NELL1: variants seen among roughly 807,000 people sequenced by gnomAD.
The protein encoded by NELL1 is neural EGFL like 1, also known as protein kinase C-binding protein NELL1.
In NELL1, 76 loss-of-function variants were observed where a neutral mutation model predicts 107.4. The observed-to-expected ratio is 0.71, with a 90% CI of 0.59 to 0.86. NELL1 has a LOEUF of 0.86. NELL1 is among the 40% of genes least tolerant of loss of function. The pLI is 0.00. For synonymous variants in NELL1, 353 were observed against 341.2 expected (o/e 1.03, Z -0.38); for missense variants, 1,024 against 1,005.5 (o/e 1.02, Z -0.25).
At chr11:21,237,242 T>C (rs935896301) in intron 14 of NELL1, among the ~76,000 whole-genome samples, 1 of 152,110 alleles carries the variant, frequency 6.6e-6, no homozygotes, top group Non-Finnish European at 1.5e-5. Context: ...AATAATGTTA[T>C]CAAGGTAGAA....
intron 15 of NELL1, among the ~76,000 whole-genome samples, chr11:21,399,537 A>T (rs1303132373): frequency 6.6e-6 from 1 of 151,890 alleles, no homozygotes; most frequent in African/African-American, 2.4e-5. Flanking sequence ...AATATAAATA[A>T]AAATAATAGC....
At chr11:20,743,058 A>G (rs1349589553) in intron 2 of NELL1, among the ~76,000 whole-genome samples, 1 of 152,134 alleles carries the variant, frequency 6.6e-6, no homozygotes, top group East Asian at 1.9e-4. Context: ...AAACTATTAA[A>G]TCCAGTGACT....
At chr11:20,905,180 G>C (rs1590400702) in intron 5 of NELL1, among the ~76,000 whole-genome samples, 1 of 151,970 alleles carries the variant, frequency 6.6e-6, no homozygotes, top group African/African-American at 2.4e-5. Flanking sequence ...AGAGATTTCA[G>C]TTACTACACA....
chr11:20,964,226 TAGG>T (rs1220730491), intron 12 of NELL1, among the ~76,000 whole-genome samples: 3 of 152,140 alleles, frequency 2.0e-5, no homozygotes, highest in Admixed American at 2.0e-4. Context: ...TCTGATGCAT[TAGG>T]AGTAGTGTCT....
intron 2 of NELL1, among the ~76,000 whole-genome samples, chr11:20,715,676 T>C (rs1855233151): frequency 6.6e-6 from 1 of 152,224 alleles, no homozygotes; most frequent in South Asian, 2.1e-4. Context: ...CCAGGACAGA[T>C]GGTTGTCTTG....
At chr11:21,024,393 TC>T (rs1852768298) in intron 12 of NELL1, among the ~76,000 whole-genome samples, 2 of 152,164 alleles carry the variant, frequency 1.3e-5, no homozygotes, top group African/African-American at 4.8e-5. Context: ...GTATTTTGGC[TC>T]CTGGACTCAT....
At chr11:21,571,357 G>C (rs1232681609) in intron 18 of NELL1, among the ~76,000 whole-genome samples, 1 of 151,768 alleles carries the variant, frequency 6.6e-6, no homozygotes, top group Non-Finnish European at 1.5e-5. Flanking sequence ...TTTAATCATA[G>C]AGACCTAGAA....
chr11:21,275,682 C>A (rs974603751), intron 14 of NELL1, among the ~76,000 whole-genome samples: 2 of 152,208 alleles, frequency 1.3e-5, no homozygotes, highest in Non-Finnish European at 2.9e-5. Flanking sequence ...TCCAGCAGCA[C>A]ATCAAGAAGC....
chr11:21,255,849 A>G (rs114422155), intron 14 of NELL1, among the ~76,000 whole-genome samples: 50 of 151,866 alleles, frequency 3.3e-4, no homozygotes, highest in African/African-American at 8.0e-4. Context: ...TGCTTTGTCT[A>G]TTTTCATACT....
intron 15 of NELL1, among the ~76,000 whole-genome samples, chr11:21,412,958 A>T (rs1852415753): frequency 6.6e-6 from 1 of 152,092 alleles, no homozygotes; most frequent in South Asian, 2.1e-4. Flanking sequence ...TCATCCTGGG[A>T]AGTAATTCTG....
intron 14 of NELL1, among the ~76,000 whole-genome samples, chr11:21,298,689 T>C (rs1261129272): frequency 2.6e-5 from 4 of 151,978 alleles, no homozygotes; most frequent in African/African-American, 9.7e-5. Flanking sequence ...TTACCACTTT[T>C]CTGCAGTAGT....
chr11:21,514,638 C>T (rs1855514252), intron 15 of NELL1, among the ~76,000 whole-genome samples: 1 of 144,782 alleles, frequency 6.9e-6, no homozygotes, highest in African/African-American at 2.6e-5. Context: ...GCATCTGATT[C>T]AATATTTAAA....
At chr11:20,787,516 C>T (rs985743500) in intron 3 of NELL1, among the ~76,000 whole-genome samples, 1 of 152,022 alleles carries the variant, frequency 6.6e-6, no homozygotes, top group African/African-American at 2.4e-5. Flanking sequence ...CATTTGACCA[C>T]GTATATAAGT....
At chr11:21,483,900 T>TAA (rs1854555376) in intron 15 of NELL1, among the ~76,000 whole-genome samples, 2 of 142,880 alleles carry the variant, frequency 1.4e-5, no homozygotes, top group Non-Finnish European at 3.0e-5. Context: ...TATATATATA[T>TAA]AAAATATTCC....
At chr11:20,858,526 G>A (rs2134070474) in intron 4 of NELL1, among the ~76,000 whole-genome samples, 1 of 152,324 alleles carries the variant, frequency 6.6e-6, no homozygotes, top group Admixed American at 6.5e-5. Flanking sequence ...TAGCTAGTTA[G>A]TCACCAACCC....
At chr11:20,836,707 T>G (rs550664148) in intron 3 of NELL1, among the ~76,000 whole-genome samples, 1 of 152,104 alleles carries the variant, frequency 6.6e-6, no homozygotes, top group Non-Finnish European at 1.5e-5. Context: ...GGCTGAATAC[T>G]GTATCATTCC....
rs574389792 is a variant in NELL1, at chr11:21,574,903, T to C, written c.2383-69T>C. 9 of 1,363,168 alleles carry C rather than the reference T, an allele frequency of 6.6e-6. No homozygotes were observed. The East Asian group carries it at 7.0e-5, about 11-fold the overall frequency. 84.4% of individuals were successfully genotyped at this position (1,363,168 alleles called of 1,614,324 possible). On this transcript the variant is annotated intron_variant, in intron 19 of 19. Transcript: ENST00000357134. ...AAAATGCTGAAAGTTGTTTTGAGTA[T>C]AAAAATTGCAGACTGCTAATTTATA...
intron 14 of NELL1, among the ~76,000 whole-genome samples, chr11:21,315,357 G>C (rs1849854015): frequency 6.6e-6 from 1 of 152,182 alleles, no homozygotes; most frequent in Non-Finnish European, 1.5e-5. Flanking sequence ...GCTTAGTTCA[G>C]TGACCCAGTT....
intron 1 of NELL1, chr11:20,674,632 T>C: frequency 2.0e-6 from 2 of 992,972 alleles, no homozygotes; most frequent in South Asian, 2.7e-5. Flanking sequence ...AATGAATGCT[T>C]TTCTTAAGGG....
Sources: gnomAD v4.1 joint callset for allele counts (sites outside exome capture counted in the v4.1 genomes callset) on GRCh38, gnomAD v4.1.1 for gene constraint, MANE v1.5 for transcripts, NCBI Gene and HGNC (gene_info 2026-07-23, HGNC 2026-07-21) for gene names.